Variants in FMN1 observed in about 807,000 individuals in gnomAD.
FMN1 encodes the protein formin 1, also known as formin-1.
Under a neutral mutation model 132.4 loss-of-function variants are expected in FMN1, and 110 were observed. The observed-to-expected ratio is 0.83, with a 90% confidence interval of 0.71 to 0.97. The LOEUF (loss-of-function observed/expected upper bound fraction) is 0.97. Ranked by LOEUF, FMN1 falls within the 50% of genes least tolerant of loss-of-function variation. The pLI, the probability that FMN1 is intolerant of heterozygous loss-of-function variation, is 0.00. For missense variants in FMN1, 1,792 were observed against 1,705.3 expected (o/e 1.05, Z -0.90); for synonymous variants, 722 against 651.7 (o/e 1.11, Z -1.64).
chr15:32,804,091 G>C (rs796115408), intron 18 of FMN1, among the ~76,000 whole-genome samples, 190 bp downstream of exon 18: 7 of 152,270 alleles, frequency 4.6e-5, no homozygotes, highest in African/African-American at 1.4e-4. Context: ...ACAGAAAGTA[G>C]AACGGTGGTT....
At chr15:33,174,004 T>C (rs1452066752) in intron 3 of FMN1, among the ~76,000 whole-genome samples, 4 of 152,006 alleles carry the variant, frequency 2.6e-5, no homozygotes, top group Non-Finnish European at 5.9e-5. Flanking sequence ...GTCAATTAAA[T>C]CCTATGTAAA....
At chr15:33,165,197 AAG>A (rs1419318554) in intron 3 of FMN1, among the ~76,000 whole-genome samples, 1 of 152,212 alleles carries the variant, frequency 6.6e-6, no homozygotes. Context: ...TAGTAAGACA[AAG>A]AGAGCTTCCT....
intron 4 of FMN1, among the ~76,000 whole-genome samples, chr15:33,130,190 G>A (rs763898487): frequency 6.6e-6 from 1 of 152,160 alleles, no homozygotes; most frequent in Non-Finnish European, 1.5e-5. Flanking sequence ...TCTTATGCCA[G>A]TTAAGATTGC....
At chr15:33,066,514 T>C (rs1206708757) in intron 5 of FMN1, 1 of 1,534,308 alleles carries the variant, frequency 6.5e-7, no homozygotes, top group African/African-American at 1.4e-5. Flanking sequence ...TACATACACT[T>C]TTGGAATCAG....
At chr15:33,034,181 A>G (rs973493526) in intron 6 of FMN1, among the ~76,000 whole-genome samples, 3 of 152,148 alleles carry the variant, frequency 2.0e-5, no homozygotes, top group Non-Finnish European at 4.4e-5. Flanking sequence ...TTCCTCATAC[A>G]TGTCAAATTG....
intron 6 of FMN1, among the ~76,000 whole-genome samples, chr15:33,057,989 G>A (rs1394789581): frequency 6.6e-6 from 1 of 151,982 alleles, no homozygotes; most frequent in Admixed American, 6.6e-5. Flanking sequence ...AGTATGATGG[G>A]GCTGGTGGTG....
chr15:32,895,255 G>A (rs913530483), intron 15 of FMN1, among the ~76,000 whole-genome samples: 3 of 151,442 alleles, frequency 2.0e-5, no homozygotes, highest in Non-Finnish European at 4.4e-5. Context: ...TGTGAGATGC[G>A]CCACCATTGA....
At chr15:33,091,305 A>G (rs985658103) in intron 4 of FMN1, among the ~76,000 whole-genome samples, 6 of 152,200 alleles carry the variant, frequency 3.9e-5, no homozygotes, top group African/African-American at 1.4e-4. Flanking sequence ...GCAAACACAC[A>G]TGCAAACCCC....
In FMN1 at chr15:33,058,548, A is replaced by ATT. The variant is rs561482461; in HGVS notation, c.2161+6407_2161+6408dup. ...TTCCAAGAATCCACAGCCTAGAAGC[A>ATT]TTTTTATTTGCTTGAAATTGCTTAT... On this transcript the variant is annotated intron_variant, in intron 6 of 20. Transcript: ENST00000616417. Among the ~76,000 whole-genome samples, 20 of 152,340 alleles carry ATT rather than the reference A, an allele frequency of 1.3e-4. No homozygotes were observed. In the East Asian group the frequency reaches 1.5e-3, roughly 12 times the overall value.
chr15:32,993,861 T>A lies in FMN1; in HGVS notation c.2223+14153A>T, dbSNP rs912035427. Among the ~76,000 whole-genome samples, 6 of 115,744 alleles carry A rather than the reference T, an allele frequency of 5.2e-5. No homozygotes were observed. In the Admixed American group the frequency reaches 7.1e-4, roughly 14 times the overall value. The allele number at this position is 115,744 out of a possible 152,430, so 75.9% of individuals were successfully genotyped here. A position where few individuals can be genotyped will look rare whatever the true frequency, so the allele number is the denominator to read the frequency against. The stretch of plus-strand genomic sequence containing the variant: ...AGTACTCCCTGCTGTCCTCTCCACA[T>A]CCTCTCTGCCCTCCTCAACTTGTCC... On this transcript the variant is annotated intron_variant, in intron 7 of 20. Coordinates refer to ENST00000616417, the MANE Select transcript of FMN1 (RefSeq NM_001277313.2).
At chr15:32,969,514 T>TAATA (rs1406428894) in intron 7 of FMN1, 37 bp from the exon 8 acceptor site, 13 of 1,595,094 alleles carry the variant, frequency 8.1e-6, no homozygotes, top group African/African-American at 1.3e-5. Flanking sequence ...AGTAATGAGT[T>TAATA]TATTAAGAAC....
intron 9 of FMN1, among the ~76,000 whole-genome samples, chr15:32,932,899 T>C (rs1438730065): frequency 6.6e-6 from 1 of 152,180 alleles, no homozygotes; most frequent in Non-Finnish European, 1.5e-5. Flanking sequence ...ATTTAGCTAA[T>C]GATTTGTCCA....
intron 17 of FMN1, among the ~76,000 whole-genome samples, chr15:32,828,166 T>C (rs1012390890): frequency 6.6e-6 from 1 of 151,706 alleles, no homozygotes; most frequent in Non-Finnish European, 1.5e-5. Flanking sequence ...CCCAGCTACG[T>C]GGGAGGCTGA....
At chr15:32,975,585 T>C (rs2032137887) in intron 7 of FMN1, among the ~76,000 whole-genome samples, 1 of 152,260 alleles carries the variant, frequency 6.6e-6, no homozygotes, top group Non-Finnish European at 1.5e-5. Flanking sequence ...TGATCTCTTT[T>C]CTGTTACTTG....
intron 12 of FMN1, among the ~76,000 whole-genome samples, chr15:32,907,386 T>C (rs2060452996): frequency 6.6e-6 from 1 of 152,050 alleles, no homozygotes; most frequent in Non-Finnish European, 1.5e-5. Flanking sequence ...CATGCGCAGT[T>C]CACAATAGGG....
chr15:33,143,207 G>A (rs951949374), intron 4 of FMN1, among the ~76,000 whole-genome samples: 1 of 152,144 alleles, frequency 6.6e-6, no homozygotes, highest in African/African-American at 2.4e-5. Context: ...ATGCAGAGAT[G>A]AATAGTTTCA....
chr15:32,995,378 A>G (rs1350830144), intron 7 of FMN1, among the ~76,000 whole-genome samples: 1 of 152,194 alleles, frequency 6.6e-6, no homozygotes, highest in Non-Finnish European at 1.5e-5. Flanking sequence ...ACACTCAAAA[A>G]GTCTCTCCCT....
intron 7 of FMN1, among the ~76,000 whole-genome samples, chr15:32,994,238 A>T (rs1490413900): frequency 1.4e-4 from 18 of 124,368 alleles, no homozygotes; most frequent in Non-Finnish European, 1.9e-4. Flanking sequence ...TCTCTCACAC[A>T]CACACACACA....
chr15:32,899,838 A>T, intron 14 of FMN1, 141 bp downstream of exon 14: 1 of 869,328 alleles, frequency 1.2e-6, no homozygotes, highest in Non-Finnish European at 1.8e-6. Flanking sequence ...GAAAGCAAAC[A>T]AAAAAATGCA....
Sources: allele counts gnomAD v4.1 joint callset (sites outside exome capture counted in the v4.1 genomes callset), GRCh38; gene constraint gnomAD v4.1.1; transcripts MANE v1.5; gene names NCBI Gene and HGNC (gene_info 2026-07-23, HGNC 2026-07-21).